Variants in SCUBE2 observed in about 807,000 individuals in gnomAD.
The protein encoded by SCUBE2 is signal peptide, CUB domain and EGF like domain containing 2.
Under a neutral mutation model 125.9 loss-of-function variants are expected in SCUBE2, and 114 were observed. The ratio of observed to expected loss-of-function variants is 0.91; its 90% CI spans 0.78 to 1.06. The LOEUF is 1.06. SCUBE2 is among the 50% of genes least tolerant of loss of function. The pLI, the probability that SCUBE2 is intolerant of heterozygous loss-of-function variation, is 0.00. For synonymous variants in SCUBE2, 459 were observed against 492.9 expected, an observed-to-expected ratio of 0.93 and a Z score of 0.91; for missense variants, 1,255 against 1,301.8, an observed-to-expected ratio of 0.96 and a Z score of 0.55.
chr11:9,050,645 C>T lies in SCUBE2; in HGVS notation c.1600G>A (p.Ala534Thr), dbSNP rs1250949942. ...LNEGKCSLKN[A>T]ELFPEGLRPA... is the part of the protein sequence containing the mutation. ...CGCAGACCCTCGGGAAACAGCTCAG[C>T]ATTTTTCAAACTACACTTGCCTTCA... Residue 534 changes from alanine to threonine, a missense_variant, in exon 14 of 23, where the codon GCT (alanine) becomes ACT (threonine). Physicochemically the swap from Ala to Thr is moderately conservative, Grantham distance 58. This residue lies in a region of SCUBE2 where 378 missense variants were observed against 463.1 expected (regional missense o/e 0.82). Coordinates refer to ENST00000649792, the MANE Select transcript of SCUBE2 (RefSeq NM_001367977.2). 1.2e-6 allele frequency: 2 copies of T among 1,614,214 alleles called. No homozygotes were observed. The highest frequency in any genetic ancestry group is 3.3e-5 in the Admixed American group (2 of 60,028).
intron 7 of SCUBE2, among the ~76,000 whole-genome samples, chr11:9,062,770 A>G (rs557333450): frequency 1.4e-4 from 22 of 152,116 alleles, no homozygotes; most frequent in Non-Finnish European, 2.8e-4. Flanking sequence ...GATTAGAAGA[A>G]AAAAATGAAA....
At chr11:9,081,518 C>T (rs922121055) in intron 2 of SCUBE2, among the ~76,000 whole-genome samples, 4 of 152,086 alleles carry the variant, frequency 2.6e-5, no homozygotes, top group African/African-American at 9.7e-5. Context: ...TAGCATGTGA[C>T]AGGATTTCCT....
intron 1 of SCUBE2, chr11:9,090,412 C>T (rs1459937868): frequency 6.5e-6 from 1 of 153,302 alleles, no homozygotes; most frequent in African/African-American, 2.4e-5. Flanking sequence ...CAGCCCAGGA[C>T]AGTTTTGAAT....
At chr11:9,056,262 G>A (rs1384118930) in intron 9 of SCUBE2, among the ~76,000 whole-genome samples, 24 of 152,174 alleles carry the variant, frequency 1.6e-4, no homozygotes, top group Non-Finnish European at 1.0e-4. Flanking sequence ...ACAGGTGCTA[G>A]CTATGCATTT....
chr11:9,045,602 GACAGACAGACACAC>G (rs1385413791), intron 16 of SCUBE2, among the ~76,000 whole-genome samples: 121 of 75,452 alleles, frequency 1.6e-3, no homozygotes, highest in Non-Finnish European at 2.6e-3. Context: ...CTAGAAGACA[GACAGACAGACACAC>G]ACACACACAC....
chr11:9,060,600 A>G lies in SCUBE2; in HGVS notation c.851-76T>C, dbSNP rs72547300. 8.4e-4 allele frequency: 1,044 copies of G among 1,235,842 alleles called. 1 individual carries two copies. Among genetic ancestry groups the G allele is most frequent in the Admixed American group, 1.2e-3 (68 of 58,726 alleles). The allele number at this position is 1,235,842 out of a possible 1,614,324, so 76.6% of individuals were successfully genotyped here. On this transcript the variant is annotated intron_variant, in intron 7 of 22. Coordinates refer to ENST00000649792, the MANE Select transcript of SCUBE2 (RefSeq NM_001367977.2). ...CAGCTGACGAAGGTCACAGAAGCCA[A>G]GAAGCATGGTGGGGTACTCATGGTC...
chr11:9,060,518 C>G lies in SCUBE2; in HGVS notation c.857G>C (p.Cys286Ser). ...GTCACAGCCTCCATTGTTGACAGCA[C>G]ACGTTTCTGGCAAGGAGGTAAGAAA... ...RVKRRLLMETCAVNNGGCDRT... is the reference protein window; with the variant it reads ...RVKRRLLMETSAVNNGGCDRT... Residue 286 changes from cysteine to serine, a missense_variant, in exon 8 of 23, where the codon TGT (cysteine) becomes TCT (serine). By Grantham distance (112) the Cys-to-Ser change is moderately radical. This residue lies in a region of SCUBE2 where 378 missense variants were observed against 463.1 expected (regional missense o/e 0.82). Transcript: ENST00000649792. The G allele has an allele frequency of 1.2e-6, 2 of 1,613,400 alleles. No individual in the cohort carries two copies. Among genetic ancestry groups the G allele is most frequent in the Non-Finnish European group, 1.7e-6 (2 of 1,179,634 alleles).
chr11:9,024,586 A>G (rs1487064026), intron 21 of SCUBE2, among the ~76,000 whole-genome samples: 1 of 152,094 alleles, frequency 6.6e-6, no homozygotes, highest in Non-Finnish European at 1.5e-5. Flanking sequence ...GCTGAACCCC[A>G]TTCCCTTCTA....
chr11:9,050,542 G>T lies in SCUBE2; in HGVS notation c.1639+64C>A, dbSNP rs969557307. The T allele has an allele frequency of 9.7e-5, 125 of 1,294,086 alleles. No individual in the cohort carries two copies. The Admixed American group carries it at 2.1e-3, about 22-fold the overall frequency. 80.2% of individuals were successfully genotyped at this position (1,294,086 alleles called of 1,614,324 possible). On this transcript the variant is annotated intron_variant, in intron 14 of 22. Coordinates refer to ENST00000649792, the MANE Select transcript of SCUBE2 (RefSeq NM_001367977.2). Reference sequence around the variant, plus strand: ...CCTGGCCCCCATGGACCTCCAGCTCGGCTGGCTGCAGGCCCCTTCCCACAT... The same window carrying T: ...CCTGGCCCCCATGGACCTCCAGCTCTGCTGGCTGCAGGCCCCTTCCCACAT...
chr11:9,062,928 G>A (rs573376537), intron 7 of SCUBE2, among the ~76,000 whole-genome samples: 1 of 152,080 alleles, frequency 6.6e-6, no homozygotes, highest in South Asian at 2.1e-4. Flanking sequence ...GGAAAGAACA[G>A]AGAAAATGGA....
intron 9 of SCUBE2, 52 bp from the exon 10 acceptor site, chr11:9,055,961 G>T: frequency 1.5e-6 from 2 of 1,379,066 alleles, no homozygotes; most frequent in Non-Finnish European, 2.1e-6. Context: ...AGGGATGAGT[G>T]AAGAATAGGT....
intron 5 of SCUBE2, among the ~76,000 whole-genome samples, chr11:9,068,822 C>T (rs922015567): frequency 5.9e-5 from 9 of 152,176 alleles, no homozygotes; most frequent in Admixed American, 2.0e-4. Flanking sequence ...TTGAGACAAG[C>T]CTTTGCACAA....
At chr11:9,033,940 C>T (rs2135192025) in intron 16 of SCUBE2, 144 bp from the exon 17 acceptor site, 1 of 756,700 alleles carries the variant, frequency 1.3e-6, no homozygotes, top group Non-Finnish European at 2.2e-6. Flanking sequence ...TGTGCCCTGC[C>T]TTGGTTCTCT....
At chr11:9,070,741 G>A (rs1187359702) in intron 4 of SCUBE2, among the ~76,000 whole-genome samples, 1 of 152,222 alleles carries the variant, frequency 6.6e-6, no homozygotes, top group African/African-American at 2.4e-5. Flanking sequence ...CTCCAGAGCT[G>A]TCAAACTGTG....
At chr11:9,081,058 C>A (rs969376626) in intron 2 of SCUBE2, among the ~76,000 whole-genome samples, 2 of 152,158 alleles carry the variant, frequency 1.3e-5, no homozygotes, top group South Asian at 4.1e-4. Flanking sequence ...TTCACATTCA[C>A]TAGAATGGTA....
chr11:9,065,943 G>A lies in SCUBE2; in HGVS notation c.798C>T (p.Asn266=), dbSNP rs150233995. ...TATCCCCATCCACCACTGATGTGGT[G>A]TTGCTCTCTGTCACCTCCAGGACAG... The part of the protein sequence containing the change: ...EDTVLEVTES[N]TTSVVDGDKR... Residue 266 remains asparagine (N), a synonymous_variant, in exon 7 of 23, where the codon AAC becomes AAT. Transcript: ENST00000649792. 4.8e-5 allele frequency: 77 copies of A among 1,614,068 alleles called. No individual in the cohort carries two copies. Among genetic ancestry groups the A allele is most frequent in the Admixed American group, 6.7e-5 (4 of 60,002 alleles).
intron 9 of SCUBE2, 71 bp downstream of exon 9, chr11:9,059,232 G>A: frequency 6.4e-7 from 1 of 1,557,006 alleles, no homozygotes; most frequent in South Asian, 1.2e-5. Context: ...GTCTCTGCCA[G>A]GAGGGTGCTA....
intron 14 of SCUBE2, among the ~76,000 whole-genome samples, chr11:9,048,800 A>G (rs1390597472): frequency 6.6e-6 from 1 of 152,194 alleles, no homozygotes; most frequent in Non-Finnish European, 1.5e-5. Context: ...GCAGGTCCAC[A>G]TATCATCCAC....
intron 3 of SCUBE2, among the ~76,000 whole-genome samples, chr11:9,077,147 T>C (rs2135868873): frequency 6.6e-6 from 1 of 152,358 alleles, no homozygotes; most frequent in African/African-American, 2.4e-5. Context: ...ACTAAGCTGG[T>C]GAGCTTCTCC....
Sources: gnomAD v4.1 joint callset for allele counts (sites outside exome capture counted in the v4.1 genomes callset) on GRCh38, gnomAD v4.1.1 for gene constraint, gnomAD v4.1.1 regional missense constraint, MANE v1.5 for transcripts, NCBI Gene and HGNC (gene_info 2026-07-23, HGNC 2026-07-21) for gene names.